The following TEX48 variants were observed in gnomAD, a reference collection of about 807,000 sequenced individuals.
The protein encoded by TEX48 is testis-expressed protein 48.
In TEX48, 10 loss-of-function variants were observed where a neutral mutation model predicts 13.2. That is an observed-to-expected ratio of 0.75 (90% CI 0.47 to 1.28). The LOEUF (loss-of-function observed/expected upper bound fraction) is 1.28. TEX48 is among the 50% of genes most tolerant of loss of function. TEX48 has a pLI of 0.00. For missense variants in TEX48, 116 were observed against 139.4 expected, an observed-to-expected ratio of 0.83 and a Z score of 0.84; for synonymous variants, 45 against 52.3, an observed-to-expected ratio of 0.86 and a Z score of 0.60.
chr9:114,681,173 A>G (rs887794518), intron 1 of TEX48, among the ~76,000 whole-genome samples: 2 of 152,310 alleles, frequency 1.3e-5, no homozygotes, highest in Admixed American at 1.3e-4. Context: ...ATTTTTTTCA[A>G]TTAAAAATAA....
intron 1 of TEX48, among the ~76,000 whole-genome samples, chr9:114,679,093 C>T (rs1198080572): frequency 6.6e-6 from 1 of 151,744 alleles, no homozygotes; most frequent in Admixed American, 6.6e-5. Flanking sequence ...TAATAGACTT[C>T]AGGACACTTT....
In TEX48 at chr9:114,680,191, G is replaced by A. The variant is rs957443406; in HGVS notation, c.-105+1844C>T. ...TGCCAGGGTTGGAGTGCAATGGTGC[G>A]ATCTCGGGTCACTGCAACCTCCGCC... On this transcript the variant is annotated intron_variant, in intron 1 of 4. Transcript: ENST00000436752. Among the ~76,000 whole-genome samples, 3 of 142,428 alleles carry A rather than the reference G, an allele frequency of 2.1e-5. 1 individual carries two copies. The South Asian group carries it at 6.7e-4, about 32-fold the overall frequency. The allele number at this position is 142,428 out of a possible 152,430, so 93.4% of individuals were successfully genotyped here. A position where few individuals can be genotyped will look rare whatever the true frequency, so the allele number is the denominator to read the frequency against.
intron 1 of TEX48, among the ~76,000 whole-genome samples, chr9:114,674,484 C>A (rs1386664361): frequency 6.6e-6 from 1 of 152,166 alleles, no homozygotes; most frequent in Non-Finnish European, 1.5e-5. Context: ...AGCACCCCAG[C>A]ACTTCCTAAT....
At chr9:114,667,998 G>T (rs1709893219) in intron 4 of TEX48, among the ~76,000 whole-genome samples, 1 of 151,520 alleles carries the variant, frequency 6.6e-6, no homozygotes, top group Non-Finnish European at 1.5e-5. Flanking sequence ...TCCTTCTCAT[G>T]CACTTCCTAG....
intron 1 of TEX48, among the ~76,000 whole-genome samples, chr9:114,678,468 T>A (rs1455226922): frequency 1.3e-5 from 2 of 152,074 alleles, no homozygotes; most frequent in African/African-American, 4.8e-5. Context: ...CAAAAGAAAG[T>A]TTGTTTTGTA....
At chr9:114,673,468 T>TG (rs1827986754) in intron 1 of TEX48, among the ~76,000 whole-genome samples, 1 of 51,248 alleles carries the variant, frequency 2.0e-5, no homozygotes, top group Non-Finnish European at 3.6e-5. Context: ...TAAAACTCTG[T>TG]CTCAAAAAAA....
chr9:114,676,867 C>T (rs1383738204), intron 1 of TEX48, among the ~76,000 whole-genome samples: 2 of 152,146 alleles, frequency 1.3e-5, no homozygotes, highest in Admixed American at 6.6e-5. Flanking sequence ...CTGCCCATCT[C>T]GGCCTCCCAA....
At chr9:114,680,703 G>A (rs1006195938) in intron 1 of TEX48, among the ~76,000 whole-genome samples, 4 of 152,172 alleles carry the variant, frequency 2.6e-5, no homozygotes, top group African/African-American at 7.2e-5. Flanking sequence ...CAGATAATGA[G>A]AATTAAAAAG....
At chr9:114,676,466 G>A (rs1380651731) in intron 1 of TEX48, among the ~76,000 whole-genome samples, 5 of 151,982 alleles carry the variant, frequency 3.3e-5, no homozygotes, top group African/African-American at 1.2e-4. Context: ...ACTGAGCCCA[G>A]CCAAGCTTTT....
intron 1 of TEX48, among the ~76,000 whole-genome samples, chr9:114,674,842 C>CTTTT (rs79196358): frequency 8.9e-5 from 12 of 135,140 alleles, no homozygotes; most frequent in African/African-American, 2.5e-4. Flanking sequence ...CCAGCAAATT[C>CTTTT]TTTTTTTTTT....
chr9:114,679,833 G>A (rs940860123), intron 1 of TEX48, among the ~76,000 whole-genome samples: 5 of 152,140 alleles, frequency 3.3e-5, no homozygotes, highest in Non-Finnish European at 7.3e-5. Flanking sequence ...AGCAAATCAT[G>A]TAGCCCACAC....
intron 4 of TEX48, among the ~76,000 whole-genome samples, chr9:114,667,284 A>G (rs1377593727): frequency 1.3e-5 from 2 of 152,144 alleles, no homozygotes; most frequent in Admixed American, 6.5e-5. Flanking sequence ...TTAGTTCTCA[A>G]CAGGACTCCT....
intron 4 of TEX48, 97 bp downstream of exon 4, chr9:114,668,109 C>G (rs1827875261): frequency 6.9e-7 from 1 of 1,440,382 alleles, no homozygotes; most frequent in South Asian, 1.3e-5. Flanking sequence ...ATCTCCCCAT[C>G]TCGCTTAGCT....
Position 114,668,193 on chromosome 9 carries a change from A to G in TEX48, c.259+13T>C, listed in dbSNP as rs1385238434. The G allele has an allele frequency of 6.5e-6, 10 of 1,535,478 alleles. No homozygotes were observed. In the South Asian group the frequency reaches 8.3e-5, roughly 13 times the overall value. ...GTTTCTGGTCAGTGTTAGGACCCCA[A>G]TTTGGGACTCACCCTCAAACTCACT... On this transcript the variant is annotated intron_variant, in intron 4 of 4. Coordinates refer to ENST00000436752, the MANE Select transcript of TEX48 (RefSeq NM_001199233.2).
intron 1 of TEX48, among the ~76,000 whole-genome samples, chr9:114,673,962 C>A (rs1429619859): frequency 6.6e-6 from 1 of 151,930 alleles, no homozygotes; most frequent in East Asian, 1.9e-4. Flanking sequence ...TGCACCACCA[C>A]ACCTGGCTAA....
intron 1 of TEX48, 46 bp from the exon 2 acceptor site, chr9:114,671,873 T>G: frequency 1.2e-6 from 1 of 809,356 alleles, no homozygotes; most frequent in Non-Finnish European, 2.0e-6. Context: ...GTCCTTCACC[T>G]GTGTTCACAC....
intron 1 of TEX48, among the ~76,000 whole-genome samples, chr9:114,680,658 C>T (rs1828178300): frequency 6.6e-6 from 1 of 152,060 alleles, no homozygotes; most frequent in African/African-American, 2.4e-5. Flanking sequence ...CTTGGAGGGT[C>T]TTTCCTGCAC....
chr9:114,681,822 C>A (rs1286597394), intron 1 of TEX48, among the ~76,000 whole-genome samples: 2 of 83,938 alleles, frequency 2.4e-5, no homozygotes, highest in Non-Finnish European at 4.3e-5. Context: ...AGGCTTCTGG[C>A]GCTGCGGGCG....
intron 1 of TEX48, among the ~76,000 whole-genome samples, chr9:114,679,098 C>T (rs1589380769): frequency 6.6e-6 from 1 of 151,800 alleles, no homozygotes; most frequent in Non-Finnish European, 1.5e-5. Context: ...GACTTCAGGA[C>T]ACTTTCAAAG....
Sources: gnomAD v4.1 joint callset for allele counts (sites outside exome capture counted in the v4.1 genomes callset) on GRCh38, gnomAD v4.1.1 for gene constraint, MANE v1.5 for transcripts, NCBI Gene and HGNC (gene_info 2026-07-23, HGNC 2026-07-21) for gene names.